LRRC18: variants seen among roughly 807,000 people sequenced by gnomAD.
LRRC18 encodes leucine-rich repeat-containing protein 18.
Under a neutral mutation model 11.2 loss-of-function variants are expected in LRRC18, and 12 were observed. The observed-to-expected ratio is 1.07, with a 90% CI of 0.69 to 1.74. LRRC18 has a LOEUF of 1.74. Ranked by LOEUF, LRRC18 falls within the 40% of genes most tolerant of loss-of-function variation. LRRC18 has a pLI of 0.00. For missense variants in LRRC18, 374 were observed against 330.5 expected, an observed-to-expected ratio of 1.13 and a Z score of -1.02; for synonymous variants, 155 against 130.6, an observed-to-expected ratio of 1.19 and a Z score of -1.27.
chr10:48,923,367 A>G, the LRRC18 span, among the ~76,000 whole-genome samples: 1 of 151,898 alleles, frequency 6.6e-6, no homozygotes, highest in African/African-American at 2.4e-5. Flanking sequence ...ATTGAGATCA[A>G]GGAAGTCTAT....
the LRRC18 span, among the ~76,000 whole-genome samples, chr10:48,939,658 A>C: frequency 6.6e-6 from 1 of 152,254 alleles, no homozygotes; most frequent in African/African-American, 2.4e-5. Context: ...AGTTACCAAC[A>C]AAATTCACAT....
At chr10:48,927,835 T>C in the LRRC18 span, among the ~76,000 whole-genome samples, 2 of 152,242 alleles carry the variant, frequency 1.3e-5, no homozygotes, top group Non-Finnish European at 2.9e-5. Flanking sequence ...ATTCTGGATG[T>C]ACTCTGTTTT....
the LRRC18 span, among the ~76,000 whole-genome samples, chr10:48,920,317 G>A: frequency 6.7e-6 from 1 of 148,454 alleles, no homozygotes; most frequent in Non-Finnish European, 1.5e-5. Context: ...ATTGAACAAT[G>A]AGAACACATG....
At chr10:48,932,973 C>T in the LRRC18 span, among the ~76,000 whole-genome samples, 3 of 152,064 alleles carry the variant, frequency 2.0e-5, no homozygotes, top group Non-Finnish European at 2.9e-5. Flanking sequence ...GCCATGTGCT[C>T]ATGGGTAGGG....
At chr10:48,915,347 G>A (rs143375384), upstream of LRRC18, among the ~76,000 whole-genome samples, 512 of 152,072 alleles carry the variant, frequency 3.4e-3, 7 homozygotes, top group Admixed American at 0.03. Context: ...GGAAGAGGAC[G>A]CAACTCTGTT....
chr10:48,928,515 C>A, the LRRC18 span, among the ~76,000 whole-genome samples: 1 of 152,116 alleles, frequency 6.6e-6, no homozygotes, highest in East Asian at 1.9e-4. Flanking sequence ...TGCAGCCTAG[C>A]GTCCTTATGG....
At chr10:48,910,357 G>A in intron 1 of LRRC18, 99 bp from the exon 4 acceptor site, 1 of 1,032,444 alleles carries the variant, frequency 9.7e-7, no homozygotes. Flanking sequence ...GGTCATGCCT[G>A]ACCTTCAGGA....
rs375899185 is a variant in LRRC18 at position 48,913,460 on chromosome 10, C to A, written c.696G>T (p.Pro232=). 7.4e-6 allele frequency: 12 copies of A among 1,613,544 alleles called. No homozygotes were observed. In the African/African-American group the frequency reaches 1.2e-4, roughly 16 times the overall value. ...TCAGATTGGGAAAGATGGTCTTTCT[C>A]GGTGTCGTCGTGGCCATGTTCTTGA... Residue 232 remains proline, a synonymous_variant, in exon 1 of 2, where the codon CCG becomes CCT. Transcript: ENST00000374160.
chr10:48,921,641 C>T, the LRRC18 span, among the ~76,000 whole-genome samples: 1 of 151,966 alleles, frequency 6.6e-6, no homozygotes. Flanking sequence ...AGACAAGCTA[C>T]AGACTGGAAG....
chr10:48,910,365 G>T, intron 1 of LRRC18, 107 bp from the exon 4 acceptor site: 1 of 946,072 alleles, frequency 1.1e-6, no homozygotes, highest in Non-Finnish European at 1.7e-6. Context: ...CTGACCTTCA[G>T]GATGGTCAGG....
chr10:48,914,550 C>T (rs1838327849), upstream of LRRC18, among the ~76,000 whole-genome samples: 1 of 152,140 alleles, frequency 6.6e-6, no homozygotes, highest in South Asian at 2.1e-4. Flanking sequence ...AACCCAGAGC[C>T]ATGTGTGTGT....
the LRRC18 span, among the ~76,000 whole-genome samples, chr10:48,939,143 G>A: frequency 1.5e-4 from 23 of 152,312 alleles, no homozygotes; most frequent in South Asian, 4.1e-4. Context: ...CAATTCTAAG[G>A]TCACTCAGAG....
exon 1 of LRRC18, chr10:48,913,456 T>C: frequency 6.2e-7 from 1 of 1,613,672 alleles, no homozygotes; most frequent in African/African-American, 1.3e-5. Flanking sequence ...AAGATGGTCT[T>C]TCTCGGTGTC....
At chr10:48,936,557 G>A in the LRRC18 span, among the ~76,000 whole-genome samples, 25 of 152,176 alleles carry the variant, frequency 1.6e-4, no homozygotes, top group African/African-American at 5.8e-4. Context: ...AAGCACTCAG[G>A]CCAGGTGTGG....
chr10:48,931,096 AACACACAC>A, the LRRC18 span, among the ~76,000 whole-genome samples: 21,303 of 150,228 alleles, frequency 0.14, 1,631 homozygotes, highest in South Asian at 0.22. Context: ...CTCACACTCA[AACACACAC>A]ACACACACAC....
At chr10:48,911,346 T>C (rs929609884) in intron 1 of LRRC18, among the ~76,000 whole-genome samples, 1 of 152,240 alleles carries the variant, frequency 6.6e-6, no homozygotes, top group East Asian at 1.9e-4. Flanking sequence ...TGTGTAAACC[T>C]TTTATGAGCT....
At chr10:48,910,186 A>G in exon 2 of LRRC18, 1 of 1,451,892 alleles carries the variant, frequency 6.9e-7, no homozygotes, top group Non-Finnish European at 9.7e-7. Context: ...TCCTCTTCAG[A>G]GTCGTTTATT....
chr10:48,910,352 T>C, intron 1 of LRRC18, 94 bp from the exon 4 acceptor site: 2 of 1,078,956 alleles, frequency 1.9e-6, no homozygotes, highest in Non-Finnish European at 2.9e-6. Context: ...ACCAAGGTCA[T>C]GCCTGACCTT....
chr10:48,921,838 T>C, the LRRC18 span, among the ~76,000 whole-genome samples: 1 of 152,188 alleles, frequency 6.6e-6, no homozygotes, highest in Admixed American at 6.5e-5. Flanking sequence ...AAGGAGATGC[T>C]GCAACTAGAG....
Sources: gnomAD v4.1 joint callset for allele counts (sites outside exome capture counted in the v4.1 genomes callset) on GRCh38, gnomAD v4.1.1 for gene constraint, MANE v1.5 for transcripts, NCBI Gene and HGNC (gene_info 2026-07-23, HGNC 2026-07-21) for gene names.